NRG1: variants seen among roughly 807,000 people sequenced by gnomAD.
NRG1 encodes the protein neuregulin 1.
NRG1 carries 18 observed loss-of-function variants against 63.8 expected under a neutral mutation model. That is an observed-to-expected ratio of 0.28 (90% CI 0.19 to 0.42). NRG1 has a LOEUF of 0.42. Among genes scored for constraint, NRG1 ranks in the 10% least tolerant of loss-of-function variants. The pLI is 1.00. For synonymous variants in NRG1, 302 were observed against 301.3 expected (o/e 1.00, Z -0.02); for missense variants, 762 against 814.7 (o/e 0.94, Z 0.79).
intron 1 of NRG1, among the ~76,000 whole-genome samples, chr8:32,021,886 T>C (rs527545528): frequency 2.0e-5 from 3 of 152,256 alleles, no homozygotes; most frequent in African/African-American, 7.2e-5. Context: ...CCTTCTTCCT[T>C]CTTCTCTTTT....
chr8:31,962,800 T>G (rs1805680330), intron 1 of NRG1, among the ~76,000 whole-genome samples: 1 of 152,126 alleles, frequency 6.6e-6, no homozygotes. Context: ...AAAGGAGCCA[T>G]TTTTTTAGAT....
chr8:32,461,327 C>T (rs1822277370), intron 1 of NRG1, among the ~76,000 whole-genome samples: 2 of 152,106 alleles, frequency 1.3e-5, no homozygotes, highest in South Asian at 4.1e-4. Context: ...AAATAAGTGC[C>T]TTCTAAAACG....
intron 1 of NRG1, among the ~76,000 whole-genome samples, chr8:32,505,090 T>C (rs1828363032): frequency 6.6e-6 from 1 of 152,180 alleles, no homozygotes; most frequent in Non-Finnish European, 1.5e-5. Flanking sequence ...CATTTTTGTC[T>C]GTTACAGGGT....
intron 1 of NRG1, among the ~76,000 whole-genome samples, chr8:32,113,125 G>C (rs1417843019): frequency 6.6e-6 from 1 of 152,142 alleles, no homozygotes; most frequent in Non-Finnish European, 1.5e-5. Context: ...TGTGCAGCTG[G>C]ATTGGCTGTT....
intron 1 of NRG1, among the ~76,000 whole-genome samples, chr8:32,385,889 G>C (rs1246966327): frequency 6.6e-6 from 1 of 152,168 alleles, no homozygotes; most frequent in East Asian, 1.9e-4. Context: ...CAGCAATACT[G>C]CTGTCAGATA....
At chr8:32,701,665 A>T (rs1814927369) in intron 5 of NRG1, among the ~76,000 whole-genome samples, 1 of 152,242 alleles carries the variant, frequency 6.6e-6, no homozygotes, top group African/African-American at 2.4e-5. Flanking sequence ...CTAAAAGATG[A>T]TTCACTTTCT....
rs554064780 is a variant in NRG1 at position 31,676,561 on chromosome 8, C to G, written c.37+37130C>G. Among the ~76,000 whole-genome samples the G allele has an allele frequency of 2.0e-5, 3 of 152,282 alleles. No homozygotes were observed. The South Asian group carries it at 6.2e-4, about 32-fold the overall frequency. ...CAACAGCTTGTTAAAAATGCAAACT[C>G]AGGACCCACCCCATATCTGCTTAAT... On this transcript the variant is annotated intron_variant, in intron 1 of 10. Coordinates refer to the NRG1 transcript ENST00000519301.
rs200219807 is a variant in NRG1, at chr8:32,028,507, G to GC, written c.37+389078dup. On this transcript the variant is annotated intron_variant, in intron 1 of 10. Transcript: ENST00000519301. ...TCCTCATCTGTATAATAAGAGCTTT[G>GC]CCTATGTATTTTTCCAAGACCATTT... Among the ~76,000 whole-genome samples, 8 of 152,124 alleles carry GC rather than the reference G, an allele frequency of 5.3e-5. No individual in the cohort carries two copies. In the East Asian group the frequency reaches 1.5e-3, roughly 29 times the overall value.
chr8:32,103,672 G>A (rs1346522693), intron 1 of NRG1, among the ~76,000 whole-genome samples: 1 of 152,104 alleles, frequency 6.6e-6, no homozygotes, highest in African/African-American at 2.4e-5. Flanking sequence ...CCTCCTCTTG[G>A]GGAGCCATAT....
chr8:32,157,789 T>C (rs150555681), intron 1 of NRG1, among the ~76,000 whole-genome samples: 154 of 151,922 alleles, frequency 1.0e-3, no homozygotes, highest in African/African-American at 3.4e-3. Context: ...ATAATTGCTA[T>C]AAATTCAAAT....
At position 32,577,845 on chromosome 8, in the gene NRG1, T is replaced by C. The variant is rs578032687; in HGVS notation, c.101-17983T>C. On this transcript the variant is annotated intron_variant, in intron 1 of 11. Coordinates refer to ENST00000356819, the Ensembl canonical transcript of NRG1. ...AGCACTTCTTACAAAAATGAGGAGC[T>C]GTCTTTGTAACTTCATCTGTGCCAT... Among the ~76,000 whole-genome samples, 239 of 152,252 alleles carry C rather than the reference T, an allele frequency of 1.6e-3. 8 individuals carry two copies. The South Asian group carries it at 0.047, about 30-fold the overall frequency.
Position 32,749,447 on chromosome 8 carries a change from A to T in NRG1, c.692-4925A>T, listed in dbSNP as rs555336223. ...ACACCATTTGTCTGGTTCAATGTGC[A>T]TGCACAGAGAGCCATAATAGTCATG... On this transcript the variant is annotated intron_variant, in intron 7 of 11. Coordinates refer to ENST00000356819, the Ensembl canonical transcript of NRG1. 3 of 1,059,450 alleles carry T rather than the reference A, an allele frequency of 2.8e-6. No homozygotes were observed. In the East Asian group the frequency reaches 7.1e-5, roughly 25 times the overall value. 65.6% of individuals were successfully genotyped at this position (1,059,450 alleles called of 1,614,324 possible).
chr8:32,760,837 C>G, intron 11 of NRG1: 1 of 1,008,654 alleles, frequency 9.9e-7, no homozygotes, highest in Non-Finnish European at 1.2e-6. Flanking sequence ...TTCTTATCTG[C>G]TAACCCTGTC....
intron 1 of NRG1, among the ~76,000 whole-genome samples, chr8:32,553,809 G>T (rs1378165521): frequency 6.6e-6 from 1 of 152,126 alleles, no homozygotes; most frequent in East Asian, 1.9e-4. Flanking sequence ...TTGAGTGCAG[G>T]TGTTTCTAAA....
chr8:31,798,885 C>G (rs2131706101), intron 1 of NRG1, among the ~76,000 whole-genome samples: 1 of 152,028 alleles, frequency 6.6e-6, no homozygotes, highest in East Asian at 1.9e-4. Flanking sequence ...AGTGCCACAT[C>G]AGAATATAGA....
At chr8:31,985,025 C>G (rs1353548064) in intron 1 of NRG1, among the ~76,000 whole-genome samples, 3 of 152,026 alleles carry the variant, frequency 2.0e-5, no homozygotes, top group Non-Finnish European at 4.4e-5. Context: ...GATGAAATAA[C>G]TCACTTTTCT....
chr8:32,712,044 T>C (rs1368332899), intron 5 of NRG1, among the ~76,000 whole-genome samples: 1 of 152,138 alleles, frequency 6.6e-6, no homozygotes, highest in East Asian at 1.9e-4. Flanking sequence ...TTACCGTACA[T>C]GGCCCTTTTC....
At chr8:31,976,662 GGTGTGTGTGTGTGTGTGTGTGT>G (rs55763806) in intron 1 of NRG1, among the ~76,000 whole-genome samples, 8 of 150,456 alleles carry the variant, frequency 5.3e-5, no homozygotes, top group South Asian at 2.1e-4. Context: ...ATCTGCCATG[GGTGTGTGTGTGTGTGTGTGTGT>G]GTGTGTGTGT....
In NRG1 at chr8:31,982,261, A is replaced by G. The variant is rs141005075; in HGVS notation, c.37+342830A>G. On this transcript the variant is annotated intron_variant, in intron 1 of 10. Coordinates refer to the NRG1 transcript ENST00000519301. ...TCTTGCTATGGTGTAGAGAATAGTC[A>G]TTCTTAGATCATTCTTGCTAAGTCT... Among the ~76,000 whole-genome samples the G allele has an allele frequency of 6.7e-4, 102 of 152,206 alleles. 2 individuals carry two copies. In the East Asian group the frequency reaches 0.019, roughly 28 times the overall value.
Sources: allele counts gnomAD v4.1 joint callset (sites outside exome capture counted in the v4.1 genomes callset), GRCh38; gene constraint gnomAD v4.1.1; transcripts MANE v1.5; gene names NCBI Gene and HGNC (gene_info 2026-07-23, HGNC 2026-07-21).